The following GRID2IP variants were observed in gnomAD, a reference collection of about 807,000 sequenced individuals.
GRID2IP encodes the protein Grid2 interacting protein, also known as delphilin.
Under a neutral mutation model 114.3 loss-of-function variants are expected in GRID2IP, and 78 were observed. The ratio of observed to expected loss-of-function variants is 0.68; its 90% CI spans 0.57 to 0.82. The LOEUF is 0.82. Ranked by LOEUF, GRID2IP falls within the 40% of genes least tolerant of loss-of-function variation. GRID2IP has a pLI of 0.00. For missense variants in GRID2IP, 1,727 were observed against 1,678.5 expected (o/e 1.03, Z -0.51); for synonymous variants, 809 against 724.0 (o/e 1.12, Z -1.89).
intron 20 of GRID2IP, among the ~76,000 whole-genome samples, chr7:6,501,334 G>T (rs1786409232): frequency 6.6e-6 from 1 of 151,930 alleles, no homozygotes; most frequent in Non-Finnish European, 1.5e-5. Context: ...CTGGGCAACA[G>T]AGCAAGGCTC....
chr7:6,534,742 C>G lies in GRID2IP; in HGVS notation c.584+4976G>C, dbSNP rs558153537. ...TTTTTTTTTGGAACAGAGTCTGGCT[C>G]TGTCACCCAGGCTGGAGGCTGGAGT... On this transcript the variant is annotated intron_variant, in intron 2 of 21. Transcript: ENST00000457091. This position sits in a 1 kb window ranked among gnomAD's most constrained non-coding sequence, Gnocchi z 4.5. Among the ~76,000 whole-genome samples the G allele has an allele frequency of 2.5e-4, 38 of 152,052 alleles. No homozygotes were observed. The highest frequency in any genetic ancestry group is 6.8e-4 in the African/African-American group (28 of 41,458).
Position 6,509,447 on chromosome 7 carries a change from C to A in GRID2IP, c.1772-134G>T, listed in dbSNP as rs1391729200. The A allele has an allele frequency of 5.1e-6, 4 of 780,564 alleles. No individual in the cohort carries two copies. The highest frequency in any genetic ancestry group is 7.5e-6 in the Non-Finnish European group (4 of 530,778). 48.4% of individuals were successfully genotyped at this position (780,564 alleles called of 1,614,324 possible). On this transcript the variant is annotated intron_variant, in intron 11 of 21. Coordinates refer to ENST00000457091, the MANE Select transcript of GRID2IP (RefSeq NM_001145118.2). The surrounding 1 kb of genome is among the most constrained non-coding windows in gnomAD (Gnocchi z 4.9). The stretch of plus-strand genomic sequence containing the variant: ...CTCCTTTCCCTCTCTGGGCACAGTG[C>A]AGGAAGACCTTGAGCGGCCCTGCCT...
chr7:6,511,488 T>C (rs1453864475), intron 8 of GRID2IP, among the ~76,000 whole-genome samples: 1 of 152,042 alleles, frequency 6.6e-6, no homozygotes, highest in Non-Finnish European at 1.5e-5. Context: ...TTCTCCTGCC[T>C]CAGCCTCCCA....
At position 6,508,765 on chromosome 7, in the gene GRID2IP, G is replaced by A. The variant is rs1468977395; in HGVS notation, c.2127+193C>T. 1.3e-5 allele frequency among the ~76,000 whole-genome samples: 2 copies of A among 152,140 alleles called. No homozygotes were observed. The highest frequency in any genetic ancestry group is 1.3e-4 in the Admixed American group (2 of 15,280). ...GGAATATGGGCTAGCCTCAGTCAAGGAGCATGATAACCTTGAACAGGAGAT... is the reference window on the plus strand; with the variant it reads ...GGAATATGGGCTAGCCTCAGTCAAGAAGCATGATAACCTTGAACAGGAGAT... On this transcript the variant is annotated intron_variant, in intron 12 of 21. Transcript: ENST00000457091. This position sits in a 1 kb window ranked among gnomAD's most constrained non-coding sequence, Gnocchi z 5.6.
rs1369889094 is a variant in GRID2IP, at chr7:6,532,274, G to A, written c.585-5505C>T. Among the ~76,000 whole-genome samples the A allele has an allele frequency of 2.6e-5, 4 of 152,142 alleles. No homozygotes were observed. The highest frequency in any genetic ancestry group is 9.7e-5 in the African/African-American group (4 of 41,434). ...CATCCTGGGGAGGGGCTCTTCAGGG[G>A]CACCCCCAACCAGAACATCAGCATG... On this transcript the variant is annotated intron_variant, in intron 2 of 21. Coordinates refer to ENST00000457091, the MANE Select transcript of GRID2IP (RefSeq NM_001145118.2). This position sits in a 1 kb window ranked among gnomAD's most constrained non-coding sequence, Gnocchi z 4.4.
intron 14 of GRID2IP, 26 bp downstream of exon 14, chr7:6,505,794 T>C (rs1385112318): frequency 3.4e-6 from 5 of 1,476,932 alleles, no homozygotes; most frequent in Non-Finnish European, 4.6e-6. Flanking sequence ...TATCTGGGGT[T>C]CCCCCAAGGC....
rs1289740970 is a variant in GRID2IP at position 6,519,075 on chromosome 7, T to C, written c.1268+1503A>G. On this transcript the variant is annotated intron_variant, in intron 7 of 21. Coordinates refer to ENST00000457091, the MANE Select transcript of GRID2IP (RefSeq NM_001145118.2). This position sits in a 1 kb window ranked among gnomAD's most constrained non-coding sequence, Gnocchi z 4.1. Reference sequence around the variant, plus strand: ...CTGGAACTACAGGTGCGCACCACCATGCCCAGCTAATTTTTTCTTTTTGTA... The same window carrying C: ...CTGGAACTACAGGTGCGCACCACCACGCCCAGCTAATTTTTTCTTTTTGTA... Among the ~76,000 whole-genome samples the C allele has an allele frequency of 2.0e-5, 3 of 151,840 alleles. No individual in the cohort carries two copies. Among genetic ancestry groups the C allele is most frequent in the African/African-American group, 7.3e-5 (3 of 41,378 alleles).
rs1246786556 is a variant in GRID2IP at position 6,507,359 on chromosome 7, A to G, written c.2544+626T>C. ...GACACTGGAGTGGGGGTTGGAAACC[A>G]TGTTCTAAGAGAATGATCTGAAAAA... On this transcript the variant is annotated intron_variant, in intron 13 of 21. Transcript: ENST00000457091. This position sits in a 1 kb window ranked among gnomAD's most constrained non-coding sequence, Gnocchi z 5.3. Among the ~76,000 whole-genome samples, 1 of 150,380 alleles carries G rather than the reference A, an allele frequency of 6.6e-6. No individual in the cohort carries two copies. Among genetic ancestry groups the G allele is most frequent in the African/African-American group, 2.5e-5 (1 of 40,800 alleles).
At chr7:6,529,831 A>G (rs1312831724) in intron 2 of GRID2IP, among the ~76,000 whole-genome samples, 1 of 152,044 alleles carries the variant, frequency 6.6e-6, no homozygotes, top group East Asian at 1.9e-4. Flanking sequence ...GGGGCCACAC[A>G]ATGACCTTGC....
intron 8 of GRID2IP, among the ~76,000 whole-genome samples, 159 bp downstream of exon 8, chr7:6,514,216 G>A (rs1779245818): frequency 6.6e-6 from 1 of 151,236 alleles, no homozygotes; most frequent in Admixed American, 6.6e-5. Context: ...TCGTGCCATT[G>A]CACTCCAGCC....
In GRID2IP at chr7:6,506,328, T is replaced by G. The variant is rs1001398245; in HGVS notation, c.2545-421A>C. Among the ~76,000 whole-genome samples the G allele has an allele frequency of 2.6e-5, 4 of 152,082 alleles. No homozygotes were observed. The highest frequency in any genetic ancestry group is 4.4e-5 in the Non-Finnish European group (3 of 68,006). ...GAGCTGGTGCTGAGAGAACTGCAAC[T>G]GTGACAGCCTAGGGGCCAGACGCTG... On this transcript the variant is annotated intron_variant, in intron 13 of 21. Coordinates refer to ENST00000457091, the MANE Select transcript of GRID2IP (RefSeq NM_001145118.2). This position sits in a 1 kb window ranked among gnomAD's most constrained non-coding sequence, Gnocchi z 5.2.
intron 2 of GRID2IP, among the ~76,000 whole-genome samples, chr7:6,530,144 G>C (rs1779590139): frequency 6.6e-6 from 1 of 151,766 alleles, no homozygotes; most frequent in Non-Finnish European, 1.5e-5. Flanking sequence ...ATTTTTAGTT[G>C]AGACAGGGTT....
intron 18 of GRID2IP, 88 bp from the exon 19 acceptor site, chr7:6,502,206 T>C (rs1268940885): frequency 7.8e-7 from 1 of 1,280,750 alleles, no homozygotes; most frequent in Non-Finnish European, 1.1e-6. Context: ...TACTGTGGCA[T>C]CAATGATGAA....
intron 2 of GRID2IP, among the ~76,000 whole-genome samples, chr7:6,527,918 C>A (rs1325171455): frequency 5.9e-5 from 9 of 152,158 alleles, no homozygotes; most frequent in African/African-American, 1.9e-4. Context: ...GCCACCACGA[C>A]GGCTAATTTT....
In GRID2IP at chr7:6,507,830, C is replaced by T. The variant is rs1421271141; in HGVS notation, c.2544+155G>A. Reference sequence around the variant, plus strand: ...TTCAATGCCTGCAGTGGCCCCCAAGCGTGGGGACGTTCTTGGGCTGGGCCT... The same window carrying T: ...TTCAATGCCTGCAGTGGCCCCCAAGTGTGGGGACGTTCTTGGGCTGGGCCT... On this transcript the variant is annotated intron_variant, in intron 13 of 21. Transcript: ENST00000457091. This position sits in a 1 kb window ranked among gnomAD's most constrained non-coding sequence, Gnocchi z 5.3. 3.9e-5 allele frequency among the ~76,000 whole-genome samples: 6 copies of T among 152,166 alleles called. No homozygotes were observed. Among genetic ancestry groups the T allele is most frequent in the South Asian group, 4.1e-4 (2 of 4,830 alleles).
At chr7:6,531,199 C>T (rs1332910453) in intron 2 of GRID2IP, 4 of 454,524 alleles carry the variant, frequency 8.8e-6, no homozygotes, top group Non-Finnish European at 1.2e-5. Flanking sequence ...GCACCTCTGC[C>T]CTGCGAGCGC....
Position 6,520,637 on chromosome 7 carries a change from T to C in GRID2IP, c.1209A>G (p.Leu403=), listed in dbSNP as rs138916169. 5 of 1,551,486 alleles carry C rather than the reference T, an allele frequency of 3.2e-6. No homozygotes were observed. Among genetic ancestry groups the C allele is most frequent in the East Asian group, 2.4e-5 (1 of 40,906 alleles). ...GRTFSQQLEH[L]LTPPERYGVC... ...CCCCATAGCGCTCAGGAGGTGTGAG[T>C]AGGTGCTCCAGCTGCTGGCTGAAGG... is the stretch of plus-strand genomic sequence containing the variant. Residue 403 remains leucine, a synonymous_variant, in exon 7 of 22, where the codon CTA becomes CTG. Coordinates refer to ENST00000457091, the MANE Select transcript of GRID2IP (RefSeq NM_001145118.2). The surrounding 1 kb of genome is among the most constrained non-coding windows in gnomAD (Gnocchi z 4.6).
At chr7:6,546,405 A>T (rs962461396) in intron 1 of GRID2IP, among the ~76,000 whole-genome samples, 1 of 150,444 alleles carries the variant, frequency 6.6e-6, no homozygotes, top group Non-Finnish European at 1.5e-5. Context: ...TGTCTCTACT[A>T]AAAAAAATAC....
At position 6,520,966 on chromosome 7, in the gene GRID2IP, A is replaced by G. The variant is rs1196465126; in HGVS notation, c.1085-205T>C. ...GGAAGGGTCCCTAAGGCTATACACT[A>G]GGGTTTTTTGTTTGTTTGTTTTGAG... On this transcript the variant is annotated intron_variant, in intron 6 of 21. Coordinates refer to ENST00000457091, the MANE Select transcript of GRID2IP (RefSeq NM_001145118.2). The surrounding 1 kb of genome is among the most constrained non-coding windows in gnomAD (Gnocchi z 4.6). Among the ~76,000 whole-genome samples the G allele has an allele frequency of 1.3e-5, 2 of 151,898 alleles. No individual in the cohort carries two copies. Among genetic ancestry groups the G allele is most frequent in the Non-Finnish European group, 2.9e-5 (2 of 67,970 alleles).
Sources: allele counts gnomAD v4.1 joint callset (sites outside exome capture counted in the v4.1 genomes callset), GRCh38; gene constraint gnomAD v4.1.1; non-coding constraint Gnocchi (gnomAD v3.1); transcripts MANE v1.5; gene names NCBI Gene and HGNC (gene_info 2026-07-23, HGNC 2026-07-21).